The following MRC2 variants were observed in gnomAD, a reference collection of about 807,000 sequenced individuals.
The protein encoded by MRC2 is C-type mannose receptor 2.
MRC2 carries 84 observed loss-of-function variants against 206.2 expected under a neutral mutation model. The observed-to-expected ratio is 0.41, with a 90% CI of 0.34 to 0.49. The LOEUF is 0.49. MRC2 is among the 20% of genes least tolerant of loss of function. MRC2 has a pLI of 0.31. For synonymous variants in MRC2, 798 were observed against 800.0 expected (o/e 1.00, Z 0.04); for missense variants, 1,676 against 2,001.5 (o/e 0.84, Z 3.10).
At position 62,664,693 on chromosome 17, in the gene MRC2, G is replaced by A. The variant is rs376738514; in HGVS notation, c.264G>A (p.Leu88=). 6.2e-6 allele frequency: 10 copies of A among 1,613,920 alleles called. No individual in the cohort carries two copies. The East Asian group carries it at 8.9e-5, about 14-fold the overall frequency. ...KWVSRNRLFN[L]GTMQCLGTGW... ...TCTCCCGAAACCGGCTATTCAACCT[G>A]GGTACCATGCAGTGCCTGGGCACAG... The change falls in exon 2 of 30, where the codon CTG becomes CTA. Residue 88 remains leucine, a synonymous_variant. Coordinates refer to ENST00000303375, the MANE Select transcript of MRC2 (RefSeq NM_006039.5). The surrounding 1 kb of genome is among the most constrained non-coding windows in gnomAD (Gnocchi z 4.7).
At chr17:62,654,131 C>A (rs1016757925) in intron 1 of MRC2, among the ~76,000 whole-genome samples, 4 of 152,080 alleles carry the variant, frequency 2.6e-5, no homozygotes, top group Non-Finnish European at 5.9e-5. Flanking sequence ...TGGGATGACC[C>A]CTCGCCTCTG....
chr17:62,678,721 G>A (rs2088924905), intron 13 of MRC2, 75 bp downstream of exon 13: 2 of 1,566,514 alleles, frequency 1.3e-6, no homozygotes, highest in East Asian at 4.6e-5. Context: ...ACAGACCCTT[G>A]GTTTTGTTGG....
chr17:62,630,667 G>A (rs1390137489), intron 1 of MRC2, among the ~76,000 whole-genome samples: 2 of 152,122 alleles, frequency 1.3e-5, no homozygotes, highest in South Asian at 2.1e-4. Flanking sequence ...GGGGATAGTT[G>A]CTGGGAAAGG....
At chr17:62,627,960 G>T (rs1026599543) in intron 1 of MRC2, 40 bp downstream of exon 1, 6 of 1,326,358 alleles carry the variant, frequency 4.5e-6, no homozygotes, top group Admixed American at 3.6e-5. Flanking sequence ...GGGCCCGGGC[G>T]GGGGGAGCGC....
Position 62,666,510 on chromosome 17 carries a change from G to GT in MRC2, c.753dup (p.Asn252Ter). On this transcript the variant is annotated frameshift_variant, in exon 4 of 30. Coordinates refer to ENST00000303375, the MANE Select transcript of MRC2 (RefSeq NM_006039.5). LOFTEE classifies it high-confidence loss of function. This position sits in a 1 kb window ranked among gnomAD's most constrained non-coding sequence, Gnocchi z 5.0. ...ACCAGCTGACTGACAGCTGCTACCAGTTTAACTTCCAGTCCACGCTGTCGT... is the reference window on the plus strand; with the variant it reads ...ACCAGCTGACTGACAGCTGCTACCAGTTTTAACTTCCAGTCCACGCTGTCGT... 1 of 1,614,034 alleles carries GT rather than the reference G, an allele frequency of 6.2e-7. No individual in the cohort carries two copies. The highest frequency in any genetic ancestry group is 1.1e-5 in the South Asian group (1 of 91,082).
Position 62,627,814 on chromosome 17 carries a change from C to A in MRC2, c.12C>A (p.Gly4=). MGP[G]RPAPAPWPRH... is the part of the protein sequence containing the mutation. ...CGCCGCGCTCGGGGATGGGGCCCGG[C>A]CGGCCGGCCCCCGCGCCCTGGCCTC... Residue 4 remains glycine, a synonymous_variant, in exon 1 of 30, where the codon GGC becomes GGA. Coordinates refer to ENST00000303375, the MANE Select transcript of MRC2 (RefSeq NM_006039.5). 2 of 1,444,284 alleles carry A rather than the reference C, an allele frequency of 1.4e-6. No individual in the cohort carries two copies. Among genetic ancestry groups the A allele is most frequent in the Non-Finnish European group, 1.8e-6 (2 of 1,106,874 alleles). 89.5% of individuals were successfully genotyped at this position (1,444,284 alleles called of 1,614,324 possible). A position where few individuals can be genotyped will look rare whatever the true frequency, so the allele number is the denominator to read the frequency against.
In MRC2 at chr17:62,692,302, G is replaced by T. The variant is rs34850824; in HGVS notation, c.4291G>T (p.Ala1431Ser). Residue 1431 changes from alanine to serine, a missense_variant, in exon 30 of 30, where the codon GCA (alanine) becomes TCA (serine). Transcript: ENST00000303375. This position sits in a 1 kb window ranked among gnomAD's most constrained non-coding sequence, Gnocchi z 4.2. ...AVLLLLALLT[A>S]ALILYRRRQS... ...GCTGCTGCTCCTGGCCTTGCTGACCGCAGCCCTCATCCTTTACCGGAGGCG... is the reference window on the plus strand; with the variant it reads ...GCTGCTGCTCCTGGCCTTGCTGACCTCAGCCCTCATCCTTTACCGGAGGCG... 2.5e-6 allele frequency: 4 copies of T among 1,593,596 alleles called. No individual in the cohort carries two copies. Among genetic ancestry groups the T allele is most frequent in the East Asian group, 2.3e-5 (1 of 44,084 alleles).
chr17:62,668,359 AAAATAAAT>A (rs372200915), intron 6 of MRC2, among the ~76,000 whole-genome samples: 3 of 147,848 alleles, frequency 2.0e-5, no homozygotes, highest in East Asian at 1.9e-4. Context: ...CCTGCCTCAA[AAAATAAAT>A]AAATAAATAA....
At chr17:62,629,564 T>A (rs2084199697) in intron 1 of MRC2, among the ~76,000 whole-genome samples, 1 of 152,018 alleles carries the variant, frequency 6.6e-6, no homozygotes, top group Non-Finnish European at 1.5e-5. Context: ...CAGTGTGAGG[T>A]CTTCCAGCAG....
chr17:62,685,162 CCA>C (rs202216229), intron 20 of MRC2, among the ~76,000 whole-genome samples: 66 of 26,784 alleles, frequency 2.5e-3, no homozygotes, highest in Non-Finnish European at 5.6e-3. Flanking sequence ...AAAACAAAAA[CCA>C]CACAAAAAAA....
intron 1 of MRC2, among the ~76,000 whole-genome samples, chr17:62,643,907 A>G (rs1193283713): frequency 6.6e-6 from 1 of 152,178 alleles, no homozygotes; most frequent in Admixed American, 6.5e-5. Flanking sequence ...TGTTAAGTGA[A>G]AAAAGATCCA....
chr17:62,690,493 C>A, intron 26 of MRC2, 149 bp from the exon 27 acceptor site: 1 of 1,366,942 alleles, frequency 7.3e-7, no homozygotes, highest in African/African-American at 1.5e-5. Flanking sequence ...CCCCCACACA[C>A]TTGCACATGT....
intron 8 of MRC2, among the ~76,000 whole-genome samples, chr17:62,673,310 A>G (rs2088850038): frequency 6.6e-6 from 1 of 152,054 alleles, no homozygotes; most frequent in Non-Finnish European, 1.5e-5. Flanking sequence ...GCCGAGGACT[A>G]AATTCCTCCT....
chr17:62,647,253 G>A (rs1598971766), intron 1 of MRC2, among the ~76,000 whole-genome samples: 1 of 132,758 alleles, frequency 7.5e-6, no homozygotes, highest in Non-Finnish European at 1.5e-5. Context: ...GCATGATCTT[G>A]GCTCACTGCA....
In MRC2 at chr17:62,690,227, C is replaced by A. The variant is rs774935845; in HGVS notation, c.3814C>A (p.Pro1272Thr). 1 of 1,613,396 alleles carries A rather than the reference C, an allele frequency of 6.2e-7. No individual in the cohort carries two copies. The highest frequency in any genetic ancestry group is 1.3e-5 in the African/African-American group (1 of 75,048). The change falls in exon 26 of 30, where the codon CCC (proline) becomes ACC (threonine). Residue 1272 changes from proline (P) to threonine (T), a missense_variant. Pro to Thr is a conservative substitution (Grantham distance 38). Around this residue, in one of 3 missense-constraint regions of MRC2, gnomAD observed 1,354 missense variants for 1,636.6 expected, o/e 0.83. Coordinates refer to ENST00000303375, the MANE Select transcript of MRC2 (RefSeq NM_006039.5). The part of the protein sequence containing the change: ...PQGLADSAWI[P>T]FREHCYSFHM... ...GGGACTGGCAGACTCCGCGTGGATT[C>A]CCTTCCGGGAGCACTGCTATTCTTT...
rs760091767 is a variant in MRC2, at chr17:62,680,462, C to T, written c.2473+9C>T. 3 of 1,613,830 alleles carry T rather than the reference C, an allele frequency of 1.9e-6. No individual in the cohort carries two copies. Among genetic ancestry groups the T allele is most frequent in the African/African-American group, 2.7e-5 (2 of 74,930 alleles). ...CGACGACAGCCCTCAAGGTGAGCAC[C>T]CCCCAGCCCATCCCGCTACCCATCG... On this transcript the variant is annotated intron_variant, in intron 16 of 29. Coordinates refer to ENST00000303375, the MANE Select transcript of MRC2 (RefSeq NM_006039.5). The surrounding 1 kb of genome is among the most constrained non-coding windows in gnomAD (Gnocchi z 4.8).
chr17:62,682,943 A>T (rs1035267214), intron 20 of MRC2, among the ~76,000 whole-genome samples: 1 of 151,996 alleles, frequency 6.6e-6, no homozygotes, highest in African/African-American at 2.4e-5. Flanking sequence ...GCCCGGCCTG[A>T]TTGCCGGCCT....
Position 62,652,286 on chromosome 17 carries a change from G to T in MRC2, c.119-12262G>T, listed in dbSNP as rs2088564725. Among the ~76,000 whole-genome samples the T allele has an allele frequency of 6.6e-6, 1 of 152,262 alleles. No individual in the cohort carries two copies. The highest frequency in any genetic ancestry group is 6.5e-5 in the Admixed American group (1 of 15,292). On this transcript the variant is annotated intron_variant, in intron 1 of 29. Coordinates refer to ENST00000303375, the MANE Select transcript of MRC2 (RefSeq NM_006039.5). This position sits in a 1 kb window ranked among gnomAD's most constrained non-coding sequence, Gnocchi z 4.6. ...TCCATGATTTTAAGAAAGGGCAGGC[G>T]CACAACACCCCCGCACGGAGAAATG...
intron 9 of MRC2, 36 bp downstream of exon 9, chr17:62,674,206 A>C (rs1440836710): frequency 1.4e-6 from 2 of 1,467,400 alleles, no homozygotes; most frequent in African/African-American, 2.8e-5. Flanking sequence ...GAGTGGGGCC[A>C]CCTGTCAGAG....
Sources: allele counts gnomAD v4.1 joint callset (sites outside exome capture counted in the v4.1 genomes callset), GRCh38; gene constraint gnomAD v4.1.1; regional missense constraint gnomAD v4.1.1; non-coding constraint Gnocchi (gnomAD v3.1); transcripts MANE v1.5; gene names NCBI Gene and HGNC (gene_info 2026-07-23, HGNC 2026-07-21).